Variants in DELE1 observed in about 807,000 individuals in gnomAD.
The protein encoded by DELE1 is death ligand signal enhancer.
A neutral mutation model predicts 59.3 loss-of-function variants in DELE1; 54 were observed. That is an observed-to-expected ratio of 0.91 (90% confidence interval 0.73 to 1.14). The LOEUF (loss-of-function observed/expected upper bound fraction) is 1.14. DELE1 is among the 50% of genes most tolerant of loss of function. The pLI is 0.00. For missense variants in DELE1, 636 were observed against 643.9 expected (o/e 0.99, Z 0.13); for synonymous variants, 264 against 259.1 (o/e 1.02, Z -0.18).
Position 141,940,367 on chromosome 5 carries a change from G to T in DELE1, c.*1608G>T, listed in dbSNP as rs10073841. On this transcript the variant is annotated 3_prime_UTR_variant, in exon 12 of 12. Coordinates refer to ENST00000432126, the MANE Select transcript of DELE1 (RefSeq NM_014773.5). ...TGTGAATAGCTATTCCCTGGCTTCT[G>T]GATGTTAGCCCAAGTTGAATAGCAT... 154 of 985,424 alleles carry T rather than the reference G, an allele frequency of 1.6e-4. 1 individual carries two copies. The African/African-American group carries it at 2.5e-3, about 16-fold the overall frequency. The allele number at this position is 985,424 out of a possible 1,614,324, so 61.0% of individuals were successfully genotyped here. A position where few individuals can be genotyped will look rare whatever the true frequency, so the allele number is the denominator to read the frequency against.
chr5:141,936,901 GT>G, intron 10 of DELE1: 11 of 985,368 alleles, frequency 1.1e-5, no homozygotes, highest in Non-Finnish European at 1.3e-5. Context: ...TGGCCTGAGT[GT>G]TTCCTGTAGC....
chr5:141,936,970 C>A (rs1316332509), intron 10 of DELE1: 2 of 1,368,214 alleles, frequency 1.5e-6, no homozygotes, highest in South Asian at 3.4e-5. Flanking sequence ...ACTGCCCTGG[C>A]TGGAATCTCC....
Position 141,938,599 on chromosome 5 carries a change from T to C in DELE1, c.1388T>C (p.Leu463Pro), listed in dbSNP as rs757243105. ...TCCCTCTGCAGCTTGAACACCCTGC[T>C]AGCAGGAACCTCACGCCTACCACAT... ...SPSLCSLNTL[L>P]AGTSRLPHAS... The change falls in exon 12 of 12, where the codon CTA (leucine) becomes CCA (proline). Residue 463 changes from leucine (L) to proline (P), a missense_variant. By Grantham distance (98) the Leu-to-Pro change is moderately conservative. Coordinates refer to ENST00000432126, the MANE Select transcript of DELE1 (RefSeq NM_014773.5). The C allele has an allele frequency of 1.9e-6, 3 of 1,614,090 alleles. No homozygotes were observed. Among genetic ancestry groups the C allele is most frequent in the Non-Finnish European group, 2.5e-6 (3 of 1,180,014 alleles).
chr5:141,924,118 G>A, intron 1 of DELE1, 146 bp downstream of exon 1: 1 of 1,087,342 alleles, frequency 9.2e-7, no homozygotes, highest in South Asian at 1.4e-5. Context: ...GGAAGTCAGG[G>A]GCTGCTGGAA....
chr5:141,939,749 A>G lies in DELE1; in HGVS notation c.*990A>G. ...CACTTGCCTGGCCATGTCACCTTGA[A>G]GCTGTGACCTGACTCCCTATATTGT... On this transcript the variant is annotated 3_prime_UTR_variant, in exon 12 of 12. Transcript: ENST00000432126. 2.0e-5 allele frequency: 19 copies of G among 942,166 alleles called. No individual in the cohort carries two copies. Among genetic ancestry groups the G allele is most frequent in the Non-Finnish European group, 2.4e-5 (19 of 790,434 alleles). 58.4% of individuals were successfully genotyped at this position (942,166 alleles called of 1,614,324 possible).
At chr5:141,931,829 A>T (rs951334968) in intron 7 of DELE1, among the ~76,000 whole-genome samples, 3 of 152,150 alleles carry the variant, frequency 2.0e-5, no homozygotes, top group Non-Finnish European at 4.4e-5. Context: ...TGTGATTTTG[A>T]TGGGCAAAGA....
Position 141,934,493 on chromosome 5 carries a change from G to A in DELE1, c.1057-1G>A, listed in dbSNP as rs148187786. On this transcript the variant is annotated splice_acceptor_variant, in intron 9 of 11. Coordinates refer to ENST00000432126, the MANE Select transcript of DELE1 (RefSeq NM_014773.5). LOFTEE classifies it high-confidence loss of function. ...TTCTTTTCCTTCCTCCTTGACCACA[G>A]GCCCAAGCTTTCCTCGGGGTGCTTT... 6.6e-5 allele frequency: 106 copies of A among 1,614,102 alleles called. No individual in the cohort carries two copies. The highest frequency in any genetic ancestry group is 3.8e-4 in the Admixed American group (23 of 60,010).
chr5:141,941,135 C>G lies in DELE1; in HGVS notation c.*2376C>G, dbSNP rs894375783. 8 of 985,358 alleles carry G rather than the reference C, an allele frequency of 8.1e-6. No homozygotes were observed. Among genetic ancestry groups the G allele is most frequent in the African/African-American group, 5.2e-5 (3 of 57,220 alleles). 61.0% of individuals were successfully genotyped at this position (985,358 alleles called of 1,614,324 possible). On this transcript the variant is annotated 3_prime_UTR_variant, in exon 12 of 12. Transcript: ENST00000432126. ...GGAGCCCCACTCCCCAGCCTCCTCC[C>G]CTCTGTGGTCATTTTGGATTTTCTG... is the stretch of plus-strand genomic sequence containing the variant.
At chr5:141,929,869 G>C (rs1398342602) in intron 5 of DELE1, 120 bp from the exon 6 acceptor site, 2 of 1,498,036 alleles carry the variant, frequency 1.3e-6, no homozygotes, top group African/African-American at 1.4e-5. Flanking sequence ...AGGTGATTCA[G>C]GGTTATTTCG....
chr5:141,933,230 C>G (rs1475601983), intron 7 of DELE1, 29 bp from the exon 8 acceptor site: 2 of 1,493,202 alleles, frequency 1.3e-6, no homozygotes, highest in African/African-American at 2.8e-5. Flanking sequence ...ACTGAGGAAG[C>G]TGTGTTTGTG....
chr5:141,938,480 T>A, intron 11 of DELE1, 41 bp from the exon 12 acceptor site: 1 of 1,594,246 alleles, frequency 6.3e-7, no homozygotes, highest in Non-Finnish European at 8.6e-7. Flanking sequence ...AGTCCAAGAA[T>A]ATACAGCAAG....
intron 3 of DELE1, 40 bp downstream of exon 3, chr5:141,925,567 A>G (rs760319348): frequency 8.2e-6 from 11 of 1,339,296 alleles, no homozygotes; most frequent in Middle Eastern, 1.9e-4. Context: ...TTCAGTGTAG[A>G]TGAGAATGAT....
intron 10 of DELE1, 43 bp downstream of exon 10, chr5:141,934,629 A>G (rs1228508729): frequency 1.3e-6 from 2 of 1,576,108 alleles, no homozygotes; most frequent in East Asian, 4.5e-5. Context: ...ATGAAGCCTG[A>G]TAAGAGAAGG....
In DELE1 at chr5:141,942,036, A is replaced by G. The variant is rs1250821773; in HGVS notation, c.*3277A>G. Reference sequence around the variant, plus strand: ...TTAGTAATTATTCAATAAACACAAAATGTTTGTTGCATGAGTGTTTCTGAT... The same window carrying G: ...TTAGTAATTATTCAATAAACACAAAGTGTTTGTTGCATGAGTGTTTCTGAT... On this transcript the variant is annotated 3_prime_UTR_variant, in exon 12 of 12. Transcript: ENST00000432126. 2.0e-6 allele frequency: 2 copies of G among 985,176 alleles called. No individual in the cohort carries two copies. The highest frequency in any genetic ancestry group is 2.4e-6 in the Non-Finnish European group (2 of 829,906). The allele number at this position is 985,176 out of a possible 1,614,324, so 61.0% of individuals were successfully genotyped here.
chr5:141,939,530 T>C lies in DELE1; in HGVS notation c.*771T>C. 1 of 985,880 alleles carries C rather than the reference T, an allele frequency of 1.0e-6. No homozygotes were observed. Among genetic ancestry groups the C allele is most frequent in the Non-Finnish European group, 1.2e-6 (1 of 829,946 alleles). 61.1% of individuals were successfully genotyped at this position (985,880 alleles called of 1,614,324 possible). A position where few individuals can be genotyped will look rare whatever the true frequency, so the allele number is the denominator to read the frequency against. On this transcript the variant is annotated 3_prime_UTR_variant, in exon 12 of 12. Coordinates refer to ENST00000432126, the MANE Select transcript of DELE1 (RefSeq NM_014773.5). ...GGAAGAAGTTTCTTGCCCAAATGCCTGGATGTGTCTGCTTGACTTTCAGAA... is the reference window on the plus strand; with the variant it reads ...GGAAGAAGTTTCTTGCCCAAATGCCCGGATGTGTCTGCTTGACTTTCAGAA...
rs1375381102 is a variant in DELE1, at chr5:141,939,967, C to G, written c.*1208C>G. On this transcript the variant is annotated 3_prime_UTR_variant, in exon 12 of 12. Transcript: ENST00000432126. ...GCCTCCTGACTCCTGGCCCAGAGTTCTTGTCCATCAGTTCATACTGCAATT... is the reference window on the plus strand; with the variant it reads ...GCCTCCTGACTCCTGGCCCAGAGTTGTTGTCCATCAGTTCATACTGCAATT... 1 of 979,216 alleles carries G rather than the reference C, an allele frequency of 1.0e-6. No homozygotes were observed. The highest frequency in any genetic ancestry group is 1.8e-5 in the African/African-American group (1 of 57,078). The allele number at this position is 979,216 out of a possible 1,614,324, so 60.7% of individuals were successfully genotyped here.
chr5:141,929,900 C>T (rs1004032545), intron 5 of DELE1, 89 bp from the exon 6 acceptor site: 1 of 1,522,278 alleles, frequency 6.6e-7, no homozygotes, highest in African/African-American at 1.4e-5. Flanking sequence ...AGGGTGCTGG[C>T]TGGAAAGCCT....
At chr5:141,929,910 T>A in intron 5 of DELE1, 79 bp from the exon 6 acceptor site, 2 of 1,532,924 alleles carry the variant, frequency 1.3e-6, no homozygotes, top group East Asian at 2.2e-5. Context: ...CTGGAAAGCC[T>A]GGGTAGACTG....
chr5:141,934,471 T>C (rs758711529), intron 9 of DELE1, 23 bp from the exon 10 acceptor site: 1 of 1,614,220 alleles, frequency 6.2e-7, no homozygotes, highest in Non-Finnish European at 8.5e-7. Context: ...AGATGCCTTC[T>C]TTTCCTTCCT....
Sources: gnomAD v4.1 joint callset for allele counts (sites outside exome capture counted in the v4.1 genomes callset) on GRCh38, gnomAD v4.1.1 for gene constraint, MANE v1.5 for transcripts, NCBI Gene and HGNC (gene_info 2026-07-23, HGNC 2026-07-21) for gene names.